The following PPP2R2B variants were observed in gnomAD, a reference collection of about 807,000 sequenced individuals.
PPP2R2B encodes protein phosphatase 2 regulatory subunit Bbeta, also known as serine/threonine-protein phosphatase 2A 55 kDa regulatory subunit B beta isoform.
PPP2R2B carries 5 observed loss-of-function variants against 46.0 expected under a neutral mutation model. That is an observed-to-expected ratio of 0.11 (90% CI 0.06 to 0.23). PPP2R2B has a LOEUF of 0.23. Ranked by LOEUF, PPP2R2B falls within the 10% of genes least tolerant of loss-of-function variation. The pLI is 1.00. For missense variants in PPP2R2B, 367 were observed against 575.0 expected, an observed-to-expected ratio of 0.64 and a Z score of 3.70; for synonymous variants, 215 against 206.7, an observed-to-expected ratio of 1.04 and a Z score of -0.34.
At chr5:146,637,287 T>C (rs1228983491) in intron 7 of PPP2R2B, among the ~76,000 whole-genome samples, 1 of 152,238 alleles carries the variant, frequency 6.6e-6, no homozygotes, top group African/African-American at 2.4e-5. Flanking sequence ...AGCAATGTTT[T>C]CACCAAGAGG....
At chr5:147,005,063 C>T (rs375433881) in intron 1 of PPP2R2B, among the ~76,000 whole-genome samples, 1 of 152,166 alleles carries the variant, frequency 6.6e-6, no homozygotes, top group African/African-American at 2.4e-5. Context: ...CCAGGCACTA[C>T]TCCTTGAGGG....
At chr5:146,857,774 G>A (rs1274256986) in intron 2 of PPP2R2B, among the ~76,000 whole-genome samples, 3 of 150,980 alleles carry the variant, frequency 2.0e-5, no homozygotes, top group Non-Finnish European at 2.9e-5. Flanking sequence ...TGCAACCTCC[G>A]CCTCCCAGGT....
chr5:146,609,294 C>T (rs576688051), intron 7 of PPP2R2B, among the ~76,000 whole-genome samples: 57 of 152,278 alleles, frequency 3.7e-4, no homozygotes, highest in Admixed American at 7.2e-4. Context: ...ATTTGGAACA[C>T]GACAAAGATG....
chr5:146,803,363 T>C (rs1207262048), intron 2 of PPP2R2B, among the ~76,000 whole-genome samples: 1 of 152,228 alleles, frequency 6.6e-6, no homozygotes, highest in Non-Finnish European at 1.5e-5. Context: ...CCACATTTGT[T>C]AACTTTAGTA....
intron 1 of PPP2R2B, among the ~76,000 whole-genome samples, chr5:146,993,489 G>A (rs894807844): frequency 5.9e-5 from 9 of 152,096 alleles, no homozygotes; most frequent in Non-Finnish European, 1.3e-4. Context: ...TGATCCACCT[G>A]CCTCAGCCTC....
intron 1 of PPP2R2B, among the ~76,000 whole-genome samples, chr5:146,997,130 T>C (rs183033255): frequency 3.2e-4 from 48 of 152,236 alleles, no homozygotes; most frequent in African/African-American, 1.1e-3. Flanking sequence ...ACATTCAGAG[T>C]ATCCCCATCT....
At chr5:146,817,808 A>G (rs1758019797) in intron 2 of PPP2R2B, among the ~76,000 whole-genome samples, 1 of 152,220 alleles carries the variant, frequency 6.6e-6, no homozygotes, top group African/African-American at 2.4e-5. Context: ...TCTTTGACCA[A>G]CGGTCAAATA....
chr5:146,981,618 G>A (rs1561554584), intron 1 of PPP2R2B, among the ~76,000 whole-genome samples: 1 of 152,086 alleles, frequency 6.6e-6, no homozygotes, highest in Non-Finnish European at 1.5e-5. Context: ...TATCTCAATA[G>A]TAACTTCTTG....
chr5:146,919,138 C>G (rs1424649435), intron 1 of PPP2R2B, among the ~76,000 whole-genome samples: 1 of 152,134 alleles, frequency 6.6e-6, no homozygotes, highest in African/African-American at 2.4e-5. Flanking sequence ...TATGGTGAAG[C>G]CAAGCTTTGA....
chr5:146,916,573 G>GT (rs897808500), intron 1 of PPP2R2B, among the ~76,000 whole-genome samples: 7 of 152,062 alleles, frequency 4.6e-5, no homozygotes, highest in East Asian at 1.9e-4. Flanking sequence ...TCCAAGCCAG[G>GT]TTTTTTTCTG....
intron 2 of PPP2R2B, among the ~76,000 whole-genome samples, chr5:146,779,401 G>C (rs924356214): frequency 6.6e-6 from 1 of 152,090 alleles, no homozygotes; most frequent in African/African-American, 2.4e-5. Flanking sequence ...GTACAGTGAG[G>C]CGTGCGATTG....
At chr5:146,897,290 A>T (rs1190602952) in intron 1 of PPP2R2B, among the ~76,000 whole-genome samples, 2 of 152,182 alleles carry the variant, frequency 1.3e-5, no homozygotes, top group Non-Finnish European at 2.9e-5. Context: ...AGCGGGTGTG[A>T]AAAGGGATTT....
chr5:146,896,339 G>A (rs1042883027), intron 1 of PPP2R2B, among the ~76,000 whole-genome samples: 27 of 152,144 alleles, frequency 1.8e-4, no homozygotes, highest in South Asian at 2.1e-4. Flanking sequence ...TGAGGCAACT[G>A]AGACTCAGAG....
intron 2 of PPP2R2B, among the ~76,000 whole-genome samples, chr5:146,872,522 T>C (rs1350245155): frequency 1.3e-5 from 2 of 152,212 alleles, no homozygotes; most frequent in African/African-American, 4.8e-5. Context: ...TCAAAAGCCA[T>C]TTTCATGTAC....
At chr5:146,807,773 CTTCTTTTTTTT>C (rs1757266953) in intron 2 of PPP2R2B, among the ~76,000 whole-genome samples, 1 of 44,054 alleles carries the variant, frequency 2.3e-5, no homozygotes, top group Non-Finnish European at 5.5e-5. Context: ...CCTGGGGTGC[CTTCTTTTTTTT>C]TTTTTTTTTT....
At chr5:146,698,647 G>A (rs1779351652) in intron 3 of PPP2R2B, among the ~76,000 whole-genome samples, 1 of 151,898 alleles carries the variant, frequency 6.6e-6, no homozygotes, top group South Asian at 2.1e-4. Context: ...GAGGTAGGGT[G>A]GGGCAAGGAA....
chr5:146,605,116 A>C (rs995675727), intron 7 of PPP2R2B, among the ~76,000 whole-genome samples: 11 of 152,134 alleles, frequency 7.2e-5, no homozygotes, highest in African/African-American at 2.4e-4. Flanking sequence ...TAACTCACTC[A>C]CTATTCATAG....
chr5:147,000,064 G>A (rs1013046809), intron 1 of PPP2R2B, among the ~76,000 whole-genome samples: 2 of 152,166 alleles, frequency 1.3e-5, no homozygotes, highest in African/African-American at 4.8e-5. Context: ...CCAAGGCTGT[G>A]ATGATGGTGA....
intron 7 of PPP2R2B, among the ~76,000 whole-genome samples, chr5:146,600,909 C>T (rs577808926): frequency 6.6e-6 from 1 of 152,280 alleles, no homozygotes; most frequent in South Asian, 2.1e-4. Flanking sequence ...AGAATATGTT[C>T]TTTACCTCCC....
Sources: gnomAD v4.1 joint callset for allele counts (sites outside exome capture counted in the v4.1 genomes callset) on GRCh38, gnomAD v4.1.1 for gene constraint, MANE v1.5 for transcripts, NCBI Gene and HGNC (gene_info 2026-07-23, HGNC 2026-07-21) for gene names.